Variants in PLEKHM2 observed in about 807,000 individuals in gnomAD.
PLEKHM2 encodes pleckstrin homology and RUN domain containing M2.
A neutral mutation model predicts 116.3 loss-of-function variants in PLEKHM2; 77 were observed. That is an observed-to-expected ratio of 0.66 (90% CI 0.55 to 0.80). The LOEUF is 0.80. Among genes scored for constraint, PLEKHM2 ranks in the 30% least tolerant of loss-of-function variants. PLEKHM2 has a pLI of 0.00. For missense variants in PLEKHM2, 1,183 were observed against 1,354.9 expected (o/e 0.87, Z 1.99); for synonymous variants, 562 against 571.0 (o/e 0.98, Z 0.22).
chr1:15,712,440 C>T (rs76305468), intron 1 of PLEKHM2, among the ~76,000 whole-genome samples: 249 of 152,244 alleles, frequency 1.6e-3, no homozygotes, highest in Non-Finnish European at 2.4e-3. Context: ...CTCAGCAGTT[C>T]CCCTTGCAGG....
chr1:15,713,023 A>T (rs771543698), intron 1 of PLEKHM2, among the ~76,000 whole-genome samples: 1 of 151,622 alleles, frequency 6.6e-6, no homozygotes, highest in Non-Finnish European at 1.5e-5. Flanking sequence ...CTGGTCTGAA[A>T]CTCCTGACCT....
In PLEKHM2 at chr1:15,727,213, A is replaced by C; in HGVS notation, c.1141A>C (p.Ser381Arg). The C allele has an allele frequency of 6.2e-7, 1 of 1,606,942 alleles. No homozygotes were observed. The highest frequency in any genetic ancestry group is 1.1e-5 in the South Asian group (1 of 89,800). ...CCAGGAGGAGGGAGAGGGGCCGAGC[A>C]GCACCACGGAGAGCAGCGAGCGCTC... ...SPQEEGEGPS[S>R]TTESSERSEP... The change falls in exon 9 of 20, where the codon AGC (serine) becomes CGC (arginine). Residue 381 changes from serine (S) to arginine (R), a missense_variant. Transcript: ENST00000375799. This position sits in a 1 kb window ranked among gnomAD's most constrained non-coding sequence, Gnocchi z 7.5.
intron 6 of PLEKHM2, 117 bp downstream of exon 6, chr1:15,720,037 A>T: frequency 2.6e-6 from 2 of 783,170 alleles, no homozygotes; most frequent in Non-Finnish European, 4.0e-6. Flanking sequence ...TGAAATTTGC[A>T]ATTAAACAGG....
At chr1:15,694,371 A>G (rs1325387008) in intron 1 of PLEKHM2, among the ~76,000 whole-genome samples, 3 of 151,900 alleles carry the variant, frequency 2.0e-5, no homozygotes, top group Non-Finnish European at 4.4e-5. Flanking sequence ...CAAAAAACAA[A>G]CAAACAAACA....
At chr1:15,716,565 T>C (rs1641450563) in intron 2 of PLEKHM2, 142 bp from the exon 3 acceptor site, 2 of 759,596 alleles carry the variant, frequency 2.6e-6, no homozygotes, top group South Asian at 3.4e-5. Context: ...AATGATATGA[T>C]GGTGTGAAGG....
In PLEKHM2 at chr1:15,732,401, C is replaced by T. The variant is rs1249701724; in HGVS notation, c.2677C>T (p.Leu893Phe). ...PSPCIPCCLV[L>F]TDDRLFTCHE... ...CCCCTGCATACCCTGCTGCCTGGTC[C>T]TCACGGATGACCGCCTCTTTACGTG... The change falls in exon 18 of 20, where the codon CTC (leucine) becomes TTC (phenylalanine). Residue 893 changes from leucine to phenylalanine, a missense_variant. Physicochemically the swap from Leu to Phe is conservative, Grantham distance 22 (BLOSUM62 0). Coordinates refer to ENST00000375799, the MANE Select transcript of PLEKHM2 (RefSeq NM_015164.4). The T allele has an allele frequency of 4.5e-6, 7 of 1,567,516 alleles. No individual in the cohort carries two copies. The highest frequency in any genetic ancestry group is 5.2e-6 in the Non-Finnish European group (6 of 1,156,144).
chr1:15,690,988 A>G (rs1156808761), intron 1 of PLEKHM2, among the ~76,000 whole-genome samples: 1 of 152,266 alleles, frequency 6.6e-6, no homozygotes, highest in Non-Finnish European at 1.5e-5. Context: ...TTTGGAGACG[A>G]TCAGGGAAGA....
At chr1:15,695,536 A>T (rs1160800501) in intron 1 of PLEKHM2, among the ~76,000 whole-genome samples, 1 of 152,024 alleles carries the variant, frequency 6.6e-6, no homozygotes, top group Non-Finnish European at 1.5e-5. Flanking sequence ...TTTTTTGGAC[A>T]GAGTTTCGCT....
At chr1:15,716,611 T>A in intron 2 of PLEKHM2, 96 bp from the exon 3 acceptor site, 1 of 1,278,164 alleles carries the variant, frequency 7.8e-7, no homozygotes, top group Non-Finnish European at 1.1e-6. Flanking sequence ...TGGGGATCCA[T>A]CACTTCCTGC....
Position 15,721,288 on chromosome 1 carries a change from C to T in PLEKHM2, c.653-41C>T. 1 of 1,279,080 alleles carries T rather than the reference C, an allele frequency of 7.8e-7. No individual in the cohort carries two copies. Among genetic ancestry groups the T allele is most frequent in the Non-Finnish European group, 1.1e-6 (1 of 901,180 alleles). The allele number at this position is 1,279,080 out of a possible 1,614,324, so 79.2% of individuals were successfully genotyped here. A position where few individuals can be genotyped will look rare whatever the true frequency, so the allele number is the denominator to read the frequency against. On this transcript the variant is annotated intron_variant, in intron 6 of 19. Coordinates refer to ENST00000375799, the MANE Select transcript of PLEKHM2 (RefSeq NM_015164.4). This position sits in a 1 kb window ranked among gnomAD's most constrained non-coding sequence, Gnocchi z 5.1. The stretch of plus-strand genomic sequence containing the variant: ...CCTCCCTCCAGTCATCCTTCCACTG[C>T]CTGTGTTTCTAATCTTCAGTTTTGT...
At chr1:15,681,845 A>G (rs1357928080), upstream of PLEKHM2, among the ~76,000 whole-genome samples, 1 of 152,176 alleles carries the variant, frequency 6.6e-6, no homozygotes, top group African/African-American at 2.4e-5. Context: ...CTCTCTGAAT[A>G]TGAGAGGTAG....
At chr1:15,706,560 C>T (rs1378394176) in intron 1 of PLEKHM2, among the ~76,000 whole-genome samples, 1 of 152,084 alleles carries the variant, frequency 6.6e-6, no homozygotes, top group Non-Finnish European at 1.5e-5. Flanking sequence ...TGTGCGCCAC[C>T]ATGCCTGGCT....
chr1:15,713,776 C>T (rs1249034775), intron 1 of PLEKHM2, among the ~76,000 whole-genome samples: 1 of 151,776 alleles, frequency 6.6e-6, no homozygotes, highest in East Asian at 1.9e-4. Flanking sequence ...GCTGGGACTA[C>T]AGGCGCCTGC....
intron 2 of PLEKHM2, 52 bp downstream of exon 2, chr1:15,716,395 T>G: frequency 1.0e-4 from 105 of 1,043,420 alleles, no homozygotes; most frequent in Non-Finnish European, 1.4e-4. Flanking sequence ...AGGCCATGAG[T>G]AGCCTCCACA....
At chr1:15,682,622 AAC>A (rs1640668993), upstream of PLEKHM2, among the ~76,000 whole-genome samples, 1 of 110,298 alleles carries the variant, frequency 9.1e-6, no homozygotes, top group South Asian at 2.6e-4. Context: ...CTGTCTCAAA[AAC>A]AAACAAAACA....
intron 14 of PLEKHM2, among the ~76,000 whole-genome samples, chr1:15,730,319 G>A (rs1028749932): frequency 4.6e-5 from 7 of 152,244 alleles, no homozygotes; most frequent in African/African-American, 1.7e-4. Context: ...ATGGGCGCCT[G>A]TAATCCCAGC....
intron 3 of PLEKHM2, 123 bp from the exon 4 acceptor site, chr1:15,717,770 C>G (rs767085911): frequency 4.6e-6 from 3 of 650,748 alleles, no homozygotes; most frequent in Non-Finnish European, 8.3e-6. Context: ...CCACCAAGCA[C>G]AAAGGCCACT....
intron 1 of PLEKHM2, among the ~76,000 whole-genome samples, chr1:15,693,395 C>T (rs1439111251): frequency 2.0e-5 from 3 of 152,220 alleles, no homozygotes; most frequent in Non-Finnish European, 4.4e-5. Flanking sequence ...GCTTCTCTGA[C>T]GTCAGGTTTC....
chr1:15,720,721 CCTTT>C (rs2067986781), intron 6 of PLEKHM2: 1 of 152,314 alleles, frequency 6.6e-6, no homozygotes, highest in Admixed American at 6.5e-5. Flanking sequence ...TTGACCTTCC[CCTTT>C]CTTTATTTCT....
Sources: gnomAD v4.1 joint callset for allele counts (sites outside exome capture counted in the v4.1 genomes callset) on GRCh38, gnomAD v4.1.1 for gene constraint, Gnocchi (gnomAD v3.1) non-coding constraint, MANE v1.5 for transcripts, NCBI Gene and HGNC (gene_info 2026-07-23, HGNC 2026-07-21) for gene names.